RUFY4: variants seen among roughly 807,000 people sequenced by gnomAD.
The protein encoded by RUFY4 is RUN and FYVE domain-containing protein 4.
In RUFY4, 73 loss-of-function variants were observed where a neutral mutation model predicts 69.0. The ratio of observed to expected loss-of-function variants is 1.06; its 90% CI spans 0.88 to 1.29. The LOEUF is 1.29. Among genes scored for constraint, RUFY4 ranks in the 50% most tolerant of loss-of-function variants. RUFY4 has a pLI of 0.00. For synonymous variants in RUFY4, 287 were observed against 271.8 expected (o/e 1.06, Z -0.55); for missense variants, 770 against 705.6 (o/e 1.09, Z -1.03).
intron 2 of RUFY4, among the ~76,000 whole-genome samples, chr2:218,036,520 G>A (rs1559417846): frequency 6.6e-6 from 1 of 152,226 alleles, no homozygotes; most frequent in East Asian, 1.9e-4. Context: ...CAACAGTTGA[G>A]TTAAGGATGC....
chr2:218,043,641 TG>T (rs1341004405), intron 2 of RUFY4, among the ~76,000 whole-genome samples: 4 of 152,134 alleles, frequency 2.6e-5, no homozygotes, highest in Non-Finnish European at 5.9e-5. Context: ...TGTCTTCAGA[TG>T]GGGGAAGTGC....
At chr2:218,078,925 T>C (rs888527233) in intron 8 of RUFY4, among the ~76,000 whole-genome samples, 13 of 152,232 alleles carry the variant, frequency 8.5e-5, no homozygotes, top group African/African-American at 2.9e-4. Flanking sequence ...TGGAGTGCAG[T>C]GGCGACATCT....
chr2:218,072,800 G>T (rs1284925252), exon 4 of RUFY4: 1 of 1,533,852 alleles, frequency 6.5e-7, no homozygotes, highest in Non-Finnish European at 8.7e-7. Flanking sequence ...TCTGGGGAAA[G>T]GCCGTGCCTT....
In RUFY4 at chr2:218,073,810, T is replaced by G; in HGVS notation, c.531-6T>G. 1 of 1,613,860 alleles carries G rather than the reference T, an allele frequency of 6.2e-7. No individual in the cohort carries two copies. Among genetic ancestry groups the G allele is most frequent in the Non-Finnish European group, 8.5e-7 (1 of 1,179,862 alleles). On this transcript the variant is annotated splice_region_variant and splice_polypyrimidine_tract_variant and intron_variant, in intron 5 of 10. Coordinates refer to ENST00000344321, the Ensembl canonical transcript of RUFY4. ...CCCAGGGTCCCCCTGCCTCTTTCAC[T>G]TTCAGGTCACGCTGCTCCAGTTCCA...
intron 2 of RUFY4, among the ~76,000 whole-genome samples, chr2:218,048,342 G>A (rs956463570): frequency 1.3e-5 from 2 of 152,078 alleles, no homozygotes; most frequent in East Asian, 1.9e-4. Context: ...TTAGACCTTC[G>A]TCAGATGCAT....
At chr2:218,072,741 T>G in intron 3 of RUFY4, 38 bp from the exon 6 acceptor site, 4 of 1,454,288 alleles carry the variant, frequency 2.8e-6, no homozygotes, top group Non-Finnish European at 3.6e-6. Flanking sequence ...CCCTTTGTCC[T>G]AATACTGCTC....
exon 11 of RUFY4, chr2:218,090,212 G>A: frequency 4.8e-6 from 2 of 414,480 alleles, no homozygotes. Flanking sequence ...GCAGAGTAGG[G>A]TGTGGGGAGT....
exon 7 of RUFY4, chr2:218,075,104 A>C: frequency 6.5e-7 from 1 of 1,533,816 alleles, no homozygotes; most frequent in Non-Finnish European, 8.8e-7. Flanking sequence ...TCCCAGCCGC[A>C]TATGGAGGGC....
chr2:218,073,956 A>G, intron 6 of RUFY4, 71 bp downstream of exon 8: 1 of 1,465,282 alleles, frequency 6.8e-7, no homozygotes, highest in Non-Finnish European at 9.5e-7. Context: ...TTGAGTAGAA[A>G]CTGAGCTTCC....
intron 2 of RUFY4, among the ~76,000 whole-genome samples, chr2:218,057,488 C>T (rs539602312): frequency 7.9e-5 from 12 of 152,196 alleles, no homozygotes; most frequent in South Asian, 2.1e-4. Context: ...TTTCTGTGTC[C>T]GCTCATATAC....
At chr2:218,061,542 A>G (rs1421809006) in intron 3 of RUFY4, 2 of 159,294 alleles carry the variant, frequency 1.3e-5, no homozygotes, top group Admixed American at 1.2e-4. Context: ...TGTATATTAC[A>G]TGGAAGTAAT....
Position 218,061,606 on chromosome 2 carries a change from GT to G in RUFY4, c.-1071+2926del, listed in dbSNP as rs1559426992. 2.0e-5 allele frequency among the ~76,000 whole-genome samples: 3 copies of G among 152,326 alleles called. No individual in the cohort carries two copies. The South Asian group carries it at 6.2e-4, about 32-fold the overall frequency. ...AGTCTAAAGTTTTGAGGCAATGTTAGTGATAAATGCCACAATTTATCAAAAG... is the reference window on the plus strand; with the variant it reads ...AGTCTAAAGTTTTGAGGCAATGTTAGGATAAATGCCACAATTTATCAAAAG... On this transcript the variant is annotated intron_variant and NMD_transcript_variant, in intron 3 of 13. Coordinates refer to the RUFY4 transcript ENST00000457754.
chr2:218,072,550 GCC>G, intron 3 of RUFY4, 51 bp downstream of exon 5: 1 of 1,528,162 alleles, frequency 6.5e-7, no homozygotes, highest in Non-Finnish European at 8.8e-7. Flanking sequence ...GTAGACATAG[GCC>G]TCCTCCTTTT....
chr2:218,046,997 G>A (rs1307581642), intron 2 of RUFY4, among the ~76,000 whole-genome samples: 1 of 143,536 alleles, frequency 7.0e-6, no homozygotes, highest in Non-Finnish European at 1.5e-5. Flanking sequence ...CAATACCAAA[G>A]TGACAATGAT....
At chr2:218,062,142 G>A (rs12995790) in intron 3 of RUFY4, among the ~76,000 whole-genome samples, 47,291 of 152,144 alleles carry the variant, frequency 0.31, 8,763 homozygotes, top group Middle Eastern at 0.5. Flanking sequence ...GCTCACGCCT[G>A]TAATCCCAGC....
intron 3 of RUFY4, chr2:218,060,675 G>A (rs1438823807): frequency 7.5e-7 from 1 of 1,330,584 alleles, no homozygotes. Context: ...TGACCCACAT[G>A]GTCCAGTGCT....
Position 218,088,277 on chromosome 2 carries a change from CA to C in RUFY4, c.1503-974del, listed in dbSNP as rs367565761. Among the ~76,000 whole-genome samples, 111 of 151,784 alleles carry C rather than the reference CA, an allele frequency of 7.3e-4. 2 individuals carry two copies. In the East Asian group the frequency reaches 0.014, roughly 19 times the overall value. On this transcript the variant is annotated intron_variant, in intron 9 of 10. Coordinates refer to ENST00000344321, the Ensembl canonical transcript of RUFY4. ...GGGAGGTTGAGGCAGGGTTCAAGAC[CA>C]GTCTGGGCAACATGTCGAAACCCCA...
intron 2 of RUFY4, among the ~76,000 whole-genome samples, chr2:218,040,995 C>A (rs1276218794): frequency 6.6e-6 from 1 of 151,296 alleles, no homozygotes; most frequent in Non-Finnish European, 1.5e-5. Flanking sequence ...TTTCCAAAGT[C>A]TTTCAGATGG....
chr2:218,086,318 T>C (rs1456448100), intron 9 of RUFY4, among the ~76,000 whole-genome samples: 1 of 152,166 alleles, frequency 6.6e-6, no homozygotes, highest in Admixed American at 6.5e-5. Flanking sequence ...CCAGCTCTGA[T>C]GGACACAGAT....
Sources: allele counts gnomAD v4.1 joint callset (sites outside exome capture counted in the v4.1 genomes callset), GRCh38; gene constraint gnomAD v4.1.1; transcripts MANE v1.5; gene names NCBI Gene and HGNC (gene_info 2026-07-23, HGNC 2026-07-21).